CRIM1: variants seen among roughly 807,000 people sequenced by gnomAD.
CRIM1 encodes the protein cysteine-rich motor neuron 1 protein.
A neutral mutation model predicts 116.4 loss-of-function variants in CRIM1; 32 were observed. The ratio of observed to expected loss-of-function variants is 0.27; its 90% CI spans 0.21 to 0.37. The LOEUF (loss-of-function observed/expected upper bound fraction) is 0.37, where lower values mean the gene tolerates loss of function less well. Ranked by LOEUF, CRIM1 falls within the 10% of genes least tolerant of loss-of-function variation. The pLI is 1.00. For missense variants in CRIM1, 1,331 were observed against 1,354.8 expected (o/e 0.98, Z 0.28); for synonymous variants, 590 against 509.2 (o/e 1.16, Z -2.13).
At chr2:36,494,441 G>A in intron 7 of CRIM1, among the ~76,000 whole-genome samples, 1 of 152,154 alleles carries the variant, frequency 6.6e-6, no homozygotes, top group East Asian at 1.9e-4. Context: ...GAATCAACAT[G>A]TGTTTGTGTA....
intron 7 of CRIM1, among the ~76,000 whole-genome samples, chr2:36,481,769 G>A (rs942935894): frequency 6.6e-6 from 1 of 152,176 alleles, no homozygotes. Flanking sequence ...ATCAACGGAA[G>A]TTTGTCAGAT....
At chr2:36,478,966 T>C (rs1572834221) in intron 6 of CRIM1, among the ~76,000 whole-genome samples, 1 of 152,128 alleles carries the variant, frequency 6.6e-6, no homozygotes, top group South Asian at 2.1e-4. Flanking sequence ...TGACCCATGG[T>C]ATGTCTAGAC....
At chr2:36,472,792 G>A (rs976989404) in intron 5 of CRIM1, among the ~76,000 whole-genome samples, 4 of 152,134 alleles carry the variant, frequency 2.6e-5, no homozygotes, top group Non-Finnish European at 5.9e-5. Context: ...CAAATTTAAT[G>A]TATAAAAGTA....
In CRIM1 at chr2:36,476,473, A is replaced by G. The variant is rs573833299; in HGVS notation, c.992-416A>G. On this transcript the variant is annotated intron_variant, in intron 5 of 16. Coordinates refer to ENST00000280527, the MANE Select transcript of CRIM1 (RefSeq NM_016441.3). ...GGGGGAACAGAACATCACCACTTCA[A>G]AAAAGACCATAATAAAATTTTTGAA... Among the ~76,000 whole-genome samples, 5 of 152,334 alleles carry G rather than the reference A, an allele frequency of 3.3e-5. No individual in the cohort carries two copies. In the East Asian group the frequency reaches 9.7e-4, roughly 29 times the overall value.
chr2:36,536,225 C>T (rs1402238857), intron 13 of CRIM1, among the ~76,000 whole-genome samples: 2 of 152,178 alleles, frequency 1.3e-5, no homozygotes, highest in African/African-American at 4.8e-5. Context: ...TCTCGTCGTG[C>T]CCTGAGATGT....
In CRIM1 at chr2:36,441,480, A is replaced by C. The variant is rs746702373; in HGVS notation, c.728A>C (p.Asp243Ala). ...KASGKPGECC[D>A]LYECKPVFGV... ...TCAGGGAAGCCGGGAGAGTGCTGTG[A>C]CCTCTATGAGTGCAAACCAGGTATG... The change falls in exon 3 of 17, where the codon GAC (aspartate) becomes GCC (alanine). Residue 243 changes from aspartate to alanine, a missense_variant. Asp to Ala is a moderately radical substitution (Grantham distance 126, BLOSUM62 -2). Transcript: ENST00000280527. 1 of 1,611,714 alleles carries C rather than the reference A, an allele frequency of 6.2e-7. No homozygotes were observed. The highest frequency in any genetic ancestry group is 8.5e-7 in the Non-Finnish European group (1 of 1,179,984).
intron 2 of CRIM1, among the ~76,000 whole-genome samples, 176 bp downstream of exon 2, chr2:36,396,963 C>G (rs976643475): frequency 6.6e-6 from 1 of 152,108 alleles, no homozygotes; most frequent in Non-Finnish European, 1.5e-5. Context: ...GGTGTGTTTC[C>G]GAGACGCTAT....
At chr2:36,530,373 CTCT>C (rs1229334214) in intron 13 of CRIM1, among the ~76,000 whole-genome samples, 5 of 152,116 alleles carry the variant, frequency 3.3e-5, no homozygotes, top group Non-Finnish European at 7.4e-5. Context: ...GTGTTTAAGT[CTCT>C]TCTTTATGTT....
chr2:36,370,406 A>G (rs1669869489), intron 1 of CRIM1, among the ~76,000 whole-genome samples: 1 of 152,132 alleles, frequency 6.6e-6, no homozygotes, highest in Non-Finnish European at 1.5e-5. Flanking sequence ...CCCTGGGAAA[A>G]GGTGAGCCCT....
chr2:36,457,606 A>T (rs1677242225), intron 4 of CRIM1, among the ~76,000 whole-genome samples: 2 of 152,206 alleles, frequency 1.3e-5, no homozygotes, highest in African/African-American at 4.8e-5. Context: ...AGTTATTCAT[A>T]CACAGATAGT....
At chr2:36,390,553 TTCA>T (rs1370596133) in intron 1 of CRIM1, among the ~76,000 whole-genome samples, 1 of 152,182 alleles carries the variant, frequency 6.6e-6, no homozygotes, top group African/African-American at 2.4e-5. Context: ...CAGTAGTTTC[TTCA>T]TCATTGTTTT....
intron 1 of CRIM1, among the ~76,000 whole-genome samples, chr2:36,382,753 C>T (rs1670881473): frequency 6.6e-6 from 1 of 152,192 alleles, no homozygotes; most frequent in Admixed American, 6.5e-5. Context: ...GAGAACTTAC[C>T]AGTCTTCCAT....
chr2:36,500,291 T>C (rs745421390), intron 8 of CRIM1, among the ~76,000 whole-genome samples: 1 of 152,186 alleles, frequency 6.6e-6, no homozygotes, highest in Non-Finnish European at 1.5e-5. Flanking sequence ...GAGAGCGCAT[T>C]ACTGCACTCC....
intron 5 of CRIM1, among the ~76,000 whole-genome samples, chr2:36,473,228 A>G (rs546395645): frequency 4.3e-4 from 66 of 152,344 alleles, no homozygotes; most frequent in African/African-American, 1.5e-3. Flanking sequence ...AAGGGGACAT[A>G]TTAAATGATT....
intron 1 of CRIM1, chr2:36,378,482 C>G (rs1175541795): frequency 2.4e-5 from 11 of 458,110 alleles, no homozygotes; most frequent in Non-Finnish European, 4.6e-5. Flanking sequence ...TCTGAGGTGC[C>G]TGGGCCATAC....
chr2:36,477,265 G>A (rs1476365888), intron 6 of CRIM1, among the ~76,000 whole-genome samples, 194 bp downstream of exon 6: 1 of 152,146 alleles, frequency 6.6e-6, no homozygotes, highest in Non-Finnish European at 1.5e-5. Flanking sequence ...CTTCCCTAAG[G>A]GAAGCTATGC....
At chr2:36,534,003 AAG>A (rs1666303522) in intron 13 of CRIM1, among the ~76,000 whole-genome samples, 1 of 138,748 alleles carries the variant, frequency 7.2e-6, no homozygotes, top group African/African-American at 2.7e-5. Context: ...GGAAGGAAGG[AAG>A]GAAAGGAGGG....
intron 2 of CRIM1, among the ~76,000 whole-genome samples, chr2:36,405,801 T>C (rs1007626407): frequency 6.6e-6 from 1 of 152,216 alleles, no homozygotes; most frequent in African/African-American, 2.4e-5. Flanking sequence ...TAATACATGG[T>C]AATGATTTCA....
chr2:36,490,506 A>G (rs924427485), intron 7 of CRIM1, among the ~76,000 whole-genome samples: 1 of 152,076 alleles, frequency 6.6e-6, no homozygotes, highest in South Asian at 2.1e-4. Flanking sequence ...ATGAATGTCA[A>G]AGTACTTGAT....
Sources: allele counts gnomAD v4.1 joint callset (sites outside exome capture counted in the v4.1 genomes callset), GRCh38; gene constraint gnomAD v4.1.1; transcripts MANE v1.5; gene names NCBI Gene and HGNC (gene_info 2026-07-23, HGNC 2026-07-21).